The following EPS8 variants were observed in gnomAD, a reference collection of about 807,000 sequenced individuals.
EPS8 encodes the protein EGFR pathway substrate 8, signaling adaptor, also known as epidermal growth factor receptor kinase substrate 8.
EPS8 carries 42 observed loss-of-function variants against 103.8 expected under a neutral mutation model. The observed-to-expected ratio is 0.40, with a 90% CI of 0.32 to 0.52. The LOEUF (loss-of-function observed/expected upper bound fraction) is 0.52, where lower values mean the gene tolerates loss of function less well. EPS8 is among the 20% of genes least tolerant of loss of function. The pLI is 0.40. For missense variants in EPS8, 969 were observed against 1,005.1 expected (o/e 0.96, Z 0.49); for synonymous variants, 344 against 344.6 (o/e 1.00, Z 0.02).
chr12:15,773,166 G>C (rs1204271608), intron 1 of EPS8, among the ~76,000 whole-genome samples: 1 of 152,066 alleles, frequency 6.6e-6, no homozygotes, highest in Non-Finnish European at 1.5e-5. Context: ...ACCTCACCAA[G>C]ACACACCTGA....
In EPS8 at chr12:15,778,846, C is replaced by T. The variant is rs984676484; in HGVS notation, c.-22+10315G>A. Reference sequence around the variant, plus strand: ...CATATATGAAAGAAACTATCAAATGCAGAGTTTGCATGCCCAGGCAGAAAA... The same window carrying T: ...CATATATGAAAGAAACTATCAAATGTAGAGTTTGCATGCCCAGGCAGAAAA... On this transcript the variant is annotated intron_variant, in intron 1 of 20. Coordinates refer to ENST00000281172, the MANE Select transcript of EPS8 (RefSeq NM_004447.6). This position sits in a 1 kb window ranked among gnomAD's most constrained non-coding sequence, Gnocchi z 4.5. Among the ~76,000 whole-genome samples the T allele has an allele frequency of 1.3e-5, 2 of 152,160 alleles. No individual in the cohort carries two copies. Among genetic ancestry groups the T allele is most frequent in the Non-Finnish European group, 2.9e-5 (2 of 68,016 alleles).
intron 1 of EPS8, among the ~76,000 whole-genome samples, chr12:15,775,632 T>C (rs926232440): frequency 1.3e-5 from 2 of 152,186 alleles, no homozygotes; most frequent in African/African-American, 2.4e-5. Flanking sequence ...TTAGCCTTTA[T>C]TTTCCAGATT....
rs1211354637 is a variant in EPS8, at chr12:15,757,490, C to T, written c.-22+31671G>A. 2.6e-5 allele frequency among the ~76,000 whole-genome samples: 4 copies of T among 151,930 alleles called. No homozygotes were observed. The highest frequency in any genetic ancestry group is 1.3e-4 in the Admixed American group (2 of 15,250). On this transcript the variant is annotated intron_variant, in intron 1 of 20. Coordinates refer to ENST00000281172, the MANE Select transcript of EPS8 (RefSeq NM_004447.6). This position sits in a 1 kb window ranked among gnomAD's most constrained non-coding sequence, Gnocchi z 4.1. ...CTAAAAAATACAAAAATTAGCTAGG[C>T]GTGGTGGCGCATGCCTGTAATCCCA...
chr12:15,666,760 C>A (rs1379999861), intron 6 of EPS8, among the ~76,000 whole-genome samples: 1 of 152,040 alleles, frequency 6.6e-6, no homozygotes, highest in African/African-American at 2.4e-5. Context: ...GGGAAACTAT[C>A]CTTGAATAAA....
chr12:15,674,557 C>T (rs568003987), intron 3 of EPS8, among the ~76,000 whole-genome samples: 2 of 152,228 alleles, frequency 1.3e-5, no homozygotes, highest in Non-Finnish European at 2.9e-5. Context: ...AATGAGTATC[C>T]GAACCAACAT....
chr12:15,726,640 C>T (rs1300658615), intron 1 of EPS8, among the ~76,000 whole-genome samples: 1 of 152,096 alleles, frequency 6.6e-6, no homozygotes, highest in African/African-American at 2.4e-5. Context: ...ATATAGTGGG[C>T]ACTCCTTAAA....
chr12:15,627,041 C>T (rs1944959364), intron 18 of EPS8, among the ~76,000 whole-genome samples: 1 of 152,016 alleles, frequency 6.6e-6, no homozygotes, highest in Non-Finnish European at 1.5e-5. Flanking sequence ...CACTCTGTTG[C>T]CATACTGGAG....
rs571573129 is a variant in EPS8, at chr12:15,757,398, A to C, written c.-22+31763T>G. 1.1e-4 allele frequency among the ~76,000 whole-genome samples: 17 copies of C among 152,198 alleles called. No individual in the cohort carries two copies. The highest frequency in any genetic ancestry group is 2.1e-4 in the Non-Finnish European group (14 of 68,026). ...GGAATCCCAGAACTTTGGGAGGCTG[A>C]GGTGGGCAGATCACAAAGTCAGGAG... On this transcript the variant is annotated intron_variant, in intron 1 of 20. Coordinates refer to ENST00000281172, the MANE Select transcript of EPS8 (RefSeq NM_004447.6). This position sits in a 1 kb window ranked among gnomAD's most constrained non-coding sequence, Gnocchi z 4.1.
In EPS8 at chr12:15,640,825, A is replaced by T; in HGVS notation, c.1699T>A (p.Trp567Arg). ...CCACTTGCATTTCGAACTTTCCACC[A>T]TTGCTTCCGATCATCAAGTATCTGT... ...ILEILDDRKQ[W>R]WKVRNASGDS... The change falls in exon 17 of 21, where the codon TGG (tryptophan) becomes AGG (arginine). Residue 567 changes from tryptophan (W) to arginine (R), a missense_variant. Coordinates refer to ENST00000281172, the MANE Select transcript of EPS8 (RefSeq NM_004447.6). The T allele has an allele frequency of 6.2e-7, 1 of 1,613,824 alleles. No homozygotes were observed. The highest frequency in any genetic ancestry group is 8.5e-7 in the Non-Finnish European group (1 of 1,179,856).
chr12:15,788,375 C>A (rs1187133523), intron 1 of EPS8, among the ~76,000 whole-genome samples: 1 of 152,128 alleles, frequency 6.6e-6, no homozygotes, highest in African/African-American at 2.4e-5. Context: ...CTGCCCCCCG[C>A]GAGATTCCAA....
intron 18 of EPS8, among the ~76,000 whole-genome samples, chr12:15,625,212 T>G (rs1478336829): frequency 2.0e-5 from 3 of 152,208 alleles, no homozygotes; most frequent in Admixed American, 1.3e-4. Context: ...GCCTTCCTAT[T>G]ATGTTATATA....
At chr12:15,724,782 T>A (rs1219092433) in intron 1 of EPS8, among the ~76,000 whole-genome samples, 1 of 152,288 alleles carries the variant, frequency 6.6e-6, no homozygotes, top group East Asian at 1.9e-4. Flanking sequence ...CCTGCCACCA[T>A]GTAAGACATG....
At position 15,733,475 on chromosome 12, in the gene EPS8, C is replaced by G. The variant is rs1451619187; in HGVS notation, c.-21-50503G>C. On this transcript the variant is annotated intron_variant, in intron 1 of 20. Transcript: ENST00000281172. The surrounding 1 kb of genome is among the most constrained non-coding windows in gnomAD (Gnocchi z 4.8). ...TTGAGATGAGATTTGGGTGAGGACA[C>G]AGAGCCAATCCATATCATATTGTTC... Among the ~76,000 whole-genome samples, 2 of 152,174 alleles carry G rather than the reference C, an allele frequency of 1.3e-5. No individual in the cohort carries two copies. Among genetic ancestry groups the G allele is most frequent in the African/African-American group, 2.4e-5 (1 of 41,440 alleles).
At chr12:15,640,342 T>C (rs1027293375) in intron 17 of EPS8, among the ~76,000 whole-genome samples, 5 of 152,172 alleles carry the variant, frequency 3.3e-5, no homozygotes. Flanking sequence ...CATGCCGTGA[T>C]ATCAGTGCCA....
At chr12:15,666,402 A>G in intron 7 of EPS8, 38 bp downstream of exon 7, 1 of 1,498,602 alleles carries the variant, frequency 6.7e-7, no homozygotes, top group Non-Finnish European at 9.3e-7. Flanking sequence ...CTTAGAAACA[A>G]ATCAATTCCA....
chr12:15,669,934 G>A, intron 4 of EPS8, 109 bp from the exon 5 acceptor site: 3 of 747,978 alleles, frequency 4.0e-6, no homozygotes, highest in Non-Finnish European at 6.0e-6. Flanking sequence ...AGCTAGCAGA[G>A]AACGACAAAC....
At position 15,759,028 on chromosome 12, in the gene EPS8, T is replaced by A. The variant is rs541294434; in HGVS notation, c.-22+30133A>T. ...CTGGATTCTTCTACAGATTTTTTTT[T>A]AAAATTTTTTAATTAAAAGATGCAG... On this transcript the variant is annotated intron_variant, in intron 1 of 20. Transcript: ENST00000281172. This position sits in a 1 kb window ranked among gnomAD's most constrained non-coding sequence, Gnocchi z 4.9. Among the ~76,000 whole-genome samples the A allele has an allele frequency of 1.2e-4, 18 of 152,260 alleles. No homozygotes were observed. The highest frequency in any genetic ancestry group is 2.2e-4 in the African/African-American group (9 of 41,558).
At chr12:15,631,024 T>C (rs1216133826) in intron 18 of EPS8, among the ~76,000 whole-genome samples, 1 of 152,212 alleles carries the variant, frequency 6.6e-6, no homozygotes, top group Non-Finnish European at 1.5e-5. Flanking sequence ...AAGTAGATGC[T>C]TTCTATGCAT....
chr12:15,746,999 T>C (rs897140825), intron 1 of EPS8, among the ~76,000 whole-genome samples: 2 of 152,210 alleles, frequency 1.3e-5, no homozygotes, highest in Non-Finnish European at 2.9e-5. Context: ...GGGACTCCTT[T>C]CTTCTTTGCC....
Sources: gnomAD v4.1 joint callset for allele counts (sites outside exome capture counted in the v4.1 genomes callset) on GRCh38, gnomAD v4.1.1 for gene constraint, Gnocchi (gnomAD v3.1) non-coding constraint, MANE v1.5 for transcripts, NCBI Gene and HGNC (gene_info 2026-07-23, HGNC 2026-07-21) for gene names.